The following MLLT10 variants were observed in gnomAD, a reference collection of about 807,000 sequenced individuals.
MLLT10 encodes the protein protein AF-10.
Under a neutral mutation model 129.1 loss-of-function variants are expected in MLLT10, and 30 were observed. That is an observed-to-expected ratio of 0.23 (90% CI 0.17 to 0.32). MLLT10 has a LOEUF of 0.32. MLLT10 is among the 10% of genes least tolerant of loss of function. The pLI is 1.00. For synonymous variants in MLLT10, 490 were observed against 446.4 expected (o/e 1.10, Z -1.23); for missense variants, 1,119 against 1,268.3 (o/e 0.88, Z 1.79).
chr10:21,616,996 A>G (rs938751924), intron 7 of MLLT10, 116 bp from the exon 8 acceptor site: 3 of 379,116 alleles, frequency 7.9e-6, no homozygotes, highest in Non-Finnish European at 1.4e-5. Context: ...TAGACTTAAA[A>G]ATTTCAGTAG....
chr10:21,589,788 T>G (rs575919660), intron 4 of MLLT10, among the ~76,000 whole-genome samples: 1 of 152,346 alleles, frequency 6.6e-6, no homozygotes, highest in South Asian at 2.1e-4. Context: ...TTATTTTTCT[T>G]TGAATTCTAT....
chr10:21,621,392 C>T (rs1281593895), intron 8 of MLLT10, among the ~76,000 whole-genome samples: 1 of 151,418 alleles, frequency 6.6e-6, no homozygotes, highest in East Asian at 1.9e-4. Flanking sequence ...TTATAGGCGC[C>T]CGCCAACACG....
At chr10:21,695,688 AT>A (rs1263245803) in intron 13 of MLLT10, among the ~76,000 whole-genome samples, 7 of 151,848 alleles carry the variant, frequency 4.6e-5, no homozygotes, top group African/African-American at 1.7e-4. Flanking sequence ...ATGTTTCCTT[AT>A]TTTGGATTGT....
At chr10:21,684,877 A>G (rs116030456) in intron 13 of MLLT10, among the ~76,000 whole-genome samples, 1 of 152,238 alleles carries the variant, frequency 6.6e-6, no homozygotes, top group African/African-American at 2.4e-5. Context: ...TTATACTACT[A>G]TGTGCAACAT....
At chr10:21,731,126 A>G in intron 17 of MLLT10, 72 bp downstream of exon 17, 1 of 1,378,516 alleles carries the variant, frequency 7.3e-7, no homozygotes. Flanking sequence ...TGGATGCAGA[A>G]GTCACTTTTC....
chr10:21,625,923 T>C (rs1167631288), intron 8 of MLLT10: 5 of 788,812 alleles, frequency 6.3e-6, no homozygotes, highest in Non-Finnish European at 1.2e-5. Flanking sequence ...TATACATCTC[T>C]TGGTATTTTA....
intron 3 of MLLT10, among the ~76,000 whole-genome samples, chr10:21,569,830 C>T (rs778104480): frequency 6.6e-6 from 1 of 152,074 alleles, no homozygotes; most frequent in Non-Finnish European, 1.5e-5. Context: ...ATGGCCTTGA[C>T]CTCCTCCTGC....
At chr10:21,592,893 T>C (rs1329281117) in intron 4 of MLLT10, among the ~76,000 whole-genome samples, 1 of 152,226 alleles carries the variant, frequency 6.6e-6, no homozygotes, top group African/African-American at 2.4e-5. Flanking sequence ...AGATAATGCT[T>C]TCATGCCATT....
chr10:21,535,387 C>T (rs1168863483), intron 2 of MLLT10, among the ~76,000 whole-genome samples: 2 of 152,142 alleles, frequency 1.3e-5, no homozygotes, highest in Non-Finnish European at 1.5e-5. Context: ...GCCCTGCCGC[C>T]GCCGCCCGGT....
In MLLT10 at chr10:21,680,386, A is replaced by T. The variant is rs192231619; in HGVS notation, c.1622-946A>T. On this transcript the variant is annotated intron_variant, in intron 11 of 22. Coordinates refer to ENST00000307729, the MANE Select transcript of MLLT10 (RefSeq NM_001195626.3). The stretch of plus-strand genomic sequence containing the variant: ...ATGCCCGGCTAATTTTTGTATTTTT[A>T]GTAGAGACGGGGTTTCGCCTTATTG... 5.0e-3 allele frequency among the ~76,000 whole-genome samples: 752 copies of T among 151,750 alleles called. 9 individuals carry two copies. Among genetic ancestry groups the T allele is most frequent in the African/African-American group, 0.017 (713 of 41,410 alleles).
intron 13 of MLLT10, among the ~76,000 whole-genome samples, chr10:21,697,973 G>A (rs1339892405): frequency 2.0e-5 from 3 of 152,138 alleles, no homozygotes; most frequent in Non-Finnish European, 4.4e-5. Flanking sequence ...GGACGTTTGA[G>A]TGTTTGTTAC....
chr10:21,543,112 C>T (rs990079893), intron 3 of MLLT10, among the ~76,000 whole-genome samples: 12 of 151,710 alleles, frequency 7.9e-5, no homozygotes, highest in Admixed American at 5.3e-4. Context: ...ACACCATGCC[C>T]GGCTAGTTTT....
intron 3 of MLLT10, among the ~76,000 whole-genome samples, chr10:21,546,505 A>G (rs1417432314): frequency 2.0e-5 from 3 of 151,444 alleles, no homozygotes; most frequent in African/African-American, 2.4e-5. Context: ...CCCAGGTTCA[A>G]GCGATTCTCC....
intron 3 of MLLT10, among the ~76,000 whole-genome samples, chr10:21,546,507 C>T (rs1360833161): frequency 2.0e-5 from 3 of 150,974 alleles, no homozygotes; most frequent in Non-Finnish European, 4.4e-5. Context: ...CAGGTTCAAG[C>T]GATTCTCCTG....
chr10:21,568,152 C>T (rs185922872), intron 3 of MLLT10, among the ~76,000 whole-genome samples: 104 of 152,178 alleles, frequency 6.8e-4, no homozygotes, highest in Admixed American at 4.9e-3. Flanking sequence ...CAGTGCCCAT[C>T]GGTGTTCCTG....
intron 8 of MLLT10, among the ~76,000 whole-genome samples, chr10:21,629,917 A>T (rs1051429036): frequency 2.0e-5 from 3 of 152,336 alleles, no homozygotes; most frequent in Admixed American, 2.0e-4. Context: ...AGCTATGATC[A>T]TGCCATTGCA....
chr10:21,588,860 G>A (rs569187825), intron 4 of MLLT10, among the ~76,000 whole-genome samples: 21 of 145,586 alleles, frequency 1.4e-4, no homozygotes, highest in Non-Finnish European at 2.7e-4. Flanking sequence ...GTCTCCCTCT[G>A]TCACATAGGC....
chr10:21,644,312 G>T (rs2048284046), intron 8 of MLLT10, among the ~76,000 whole-genome samples: 2 of 152,056 alleles, frequency 1.3e-5, no homozygotes, highest in South Asian at 4.1e-4. Flanking sequence ...GTTTATGCTT[G>T]GGAGGCTCAC....
intron 9 of MLLT10, among the ~76,000 whole-genome samples, chr10:21,663,048 A>G (rs1401143560): frequency 1.3e-5 from 2 of 152,180 alleles, no homozygotes; most frequent in Non-Finnish European, 2.9e-5. Context: ...GTTAAATAGC[A>G]GGCCTTGTTA....
Sources: gnomAD v4.1 joint callset for allele counts (sites outside exome capture counted in the v4.1 genomes callset) on GRCh38, gnomAD v4.1.1 for gene constraint, MANE v1.5 for transcripts, NCBI Gene and HGNC (gene_info 2026-07-23, HGNC 2026-07-21) for gene names.